The following CCDC3 variants were observed in gnomAD, a reference collection of about 807,000 sequenced individuals.
CCDC3 encodes the protein coiled-coil domain-containing protein 3.
A neutral mutation model predicts 21.4 loss-of-function variants in CCDC3; 24 were observed. That is an observed-to-expected ratio of 1.12 (90% CI 0.81 to 1.58). The LOEUF (loss-of-function observed/expected upper bound fraction) is 1.58. Among genes scored for constraint, CCDC3 ranks in the 40% most tolerant of loss-of-function variants. The probability of loss-of-function intolerance (pLI) is 0.00; values close to 1 mark genes in which losing one functional copy is unlikely to be tolerated. For missense variants in CCDC3, 425 were observed against 360.9 expected (o/e 1.18, Z -1.44); for synonymous variants, 186 against 166.0 (o/e 1.12, Z -0.93).
At chr10:13,029,994 C>A (rs1214146902) in intron 5 of CCDC3, among the ~76,000 whole-genome samples, 1 of 152,084 alleles carries the variant, frequency 6.6e-6, no homozygotes, top group Non-Finnish European at 1.5e-5. Flanking sequence ...CACAGAAAGC[C>A]ACAAAGATAC....
intron 4 of CCDC3, among the ~76,000 whole-genome samples, chr10:13,071,158 T>G (rs1836877457): frequency 6.6e-6 from 1 of 152,004 alleles, no homozygotes; most frequent in African/African-American, 2.4e-5. Context: ...GCCCCATGCG[T>G]CCAAATCTTA....
At chr10:12,991,751 A>G (rs934621960) in intron 2 of CCDC3, among the ~76,000 whole-genome samples, 6 of 152,330 alleles carry the variant, frequency 3.9e-5, no homozygotes, top group South Asian at 2.1e-4. Flanking sequence ...AAATCTCTGC[A>G]TATAGTTTTA....
intron 4 of CCDC3, chr10:13,057,957 T>A (rs746930475): frequency 3.6e-5 from 22 of 615,798 alleles, no homozygotes; most frequent in Non-Finnish European, 5.6e-5. Flanking sequence ...TGAGCTTTCT[T>A]GTGTATCTCC....
chr10:12,955,485 G>C (rs889664295), intron 2 of CCDC3, among the ~76,000 whole-genome samples: 3 of 152,172 alleles, frequency 2.0e-5, no homozygotes, highest in African/African-American at 7.2e-5. Context: ...ATAGAGGAAA[G>C]GGAGGCAAAT....
chr10:12,911,404 A>G (rs931156712), intron 2 of CCDC3, among the ~76,000 whole-genome samples: 1 of 152,236 alleles, frequency 6.6e-6, no homozygotes, highest in Non-Finnish European at 1.5e-5. Flanking sequence ...TAAAGCTAAT[A>G]TACGCTAATG....
chr10:13,020,935 G>A (rs971644270), intron 5 of CCDC3, among the ~76,000 whole-genome samples: 1 of 152,146 alleles, frequency 6.6e-6, no homozygotes, highest in African/African-American at 2.4e-5. Flanking sequence ...AGTAATGACT[G>A]GTACTGAGCA....
chr10:12,991,374 G>A (rs555782048), intron 2 of CCDC3, among the ~76,000 whole-genome samples: 1 of 151,980 alleles, frequency 6.6e-6, no homozygotes, highest in South Asian at 2.1e-4. Context: ...AGACTGGAGT[G>A]CAGTGGCATG....
At chr10:12,959,565 A>G (rs1265181056) in intron 2 of CCDC3, among the ~76,000 whole-genome samples, 1 of 152,116 alleles carries the variant, frequency 6.6e-6, no homozygotes. Flanking sequence ...ATACTCCTCT[A>G]TTTGTGTAGT....
At chr10:12,940,685 G>T (rs965158857) in intron 2 of CCDC3, among the ~76,000 whole-genome samples, 3 of 152,100 alleles carry the variant, frequency 2.0e-5, no homozygotes, top group East Asian at 1.9e-4. Flanking sequence ...TCAATCATAC[G>T]TAAGAGGTAG....
chr10:12,898,587 G>A lies in CCDC3; in HGVS notation c.642C>T (p.Asn214=). ...QQKVATLEKR[N]RQLRERVKKV... ...TCTTCACTCGCTCCCGGAGCTGCCG[G>A]TTGCGCTTCTCCAGGGTGGCCACTT... Residue 214 remains asparagine, a synonymous_variant, in exon 3 of 3, where the codon AAC becomes AAT. Transcript: ENST00000378825. 1.2e-6 allele frequency: 2 copies of A among 1,614,232 alleles called. No homozygotes were observed. The highest frequency in any genetic ancestry group is 1.6e-4 in the Middle Eastern group (1 of 6,062).
At chr10:13,053,876 A>C (rs888781610) in intron 4 of CCDC3, among the ~76,000 whole-genome samples, 1 of 152,010 alleles carries the variant, frequency 6.6e-6, no homozygotes, top group African/African-American at 2.4e-5. Context: ...GTTAAGAATG[A>C]GGAAACTCTT....
intron 5 of CCDC3, among the ~76,000 whole-genome samples, chr10:13,041,085 C>T (rs187403097): frequency 4.8e-4 from 73 of 152,168 alleles, no homozygotes; most frequent in South Asian, 2.1e-4. Flanking sequence ...CCAATATGTA[C>T]GTCTAGCAGC....
chr10:13,035,676 A>G (rs1193653954), intron 5 of CCDC3, among the ~76,000 whole-genome samples: 1 of 152,234 alleles, frequency 6.6e-6, no homozygotes, highest in African/African-American at 2.4e-5. Flanking sequence ...AAGAACATCC[A>G]GGTTTTATGA....
intron 2 of CCDC3, among the ~76,000 whole-genome samples, chr10:12,959,746 A>G (rs1286518432): frequency 1.3e-5 from 2 of 152,116 alleles, no homozygotes; most frequent in Non-Finnish European, 2.9e-5. Flanking sequence ...CCTGGATCTC[A>G]TGGCTGGTCA....
chr10:12,953,772 C>T (rs1028609944), intron 2 of CCDC3, among the ~76,000 whole-genome samples: 1 of 152,168 alleles, frequency 6.6e-6, no homozygotes, highest in African/African-American at 2.4e-5. Flanking sequence ...AGAAAAAAAA[C>T]CTTTTGTGTA....
At chr10:12,947,495 A>G (rs1438006079) in intron 2 of CCDC3, among the ~76,000 whole-genome samples, 1 of 152,196 alleles carries the variant, frequency 6.6e-6, no homozygotes, top group Non-Finnish European at 1.5e-5. Flanking sequence ...ACCATGTGCC[A>G]GAGTGTTGGG....
intron 2 of CCDC3, among the ~76,000 whole-genome samples, chr10:12,923,377 A>C (rs1484908529): frequency 1.3e-5 from 2 of 152,154 alleles, no homozygotes; most frequent in African/African-American, 4.8e-5. Flanking sequence ...TATTCCCTGA[A>C]CATACCCCAA....
At chr10:12,975,690 A>G (rs1463266458) in intron 2 of CCDC3, among the ~76,000 whole-genome samples, 1 of 152,186 alleles carries the variant, frequency 6.6e-6, no homozygotes, top group Non-Finnish European at 1.5e-5. Flanking sequence ...CCTGTGTCAC[A>G]TGAAGAGGTA....
intron 2 of CCDC3, among the ~76,000 whole-genome samples, chr10:12,966,067 G>A (rs1835257941): frequency 6.6e-6 from 1 of 152,108 alleles, no homozygotes; most frequent in South Asian, 2.1e-4. Context: ...TCCCAAGGCT[G>A]GGCCTCACTC....
Sources: gnomAD v4.1 joint callset for allele counts (sites outside exome capture counted in the v4.1 genomes callset) on GRCh38, gnomAD v4.1.1 for gene constraint, MANE v1.5 for transcripts, NCBI Gene and HGNC (gene_info 2026-07-23, HGNC 2026-07-21) for gene names.